CSMD1: variants seen among roughly 807,000 people sequenced by gnomAD.
CSMD1 encodes CUB and Sushi multiple domains 1.
In CSMD1, 213 loss-of-function variants were observed where a neutral mutation model predicts 417.5. That is an observed-to-expected ratio of 0.51 (90% CI 0.46 to 0.57). The LOEUF is 0.57. CSMD1 is among the 20% of genes least tolerant of loss of function. CSMD1 has a pLI of 0.00. For missense variants in CSMD1, 6,923 were observed against 4,529.7 expected, an observed-to-expected ratio of 1.53 and a Z score of -15.17; for synonymous variants, 2,862 against 1,736.8, an observed-to-expected ratio of 1.65 and a Z score of -16.11.
rs189916788 is a variant in CSMD1, at chr8:3,181,680, T to C, written c.5621-466A>G. Among the ~76,000 whole-genome samples the C allele has an allele frequency of 1.8e-4, 28 of 152,312 alleles. No individual in the cohort carries two copies. The East Asian group carries it at 5.0e-3, about 27-fold the overall frequency. ...GTATATATGCTCTTCCTGATCCCTA[T>C]GTGACTCATGCTTAGTAATGTTCCC... On this transcript the variant is annotated intron_variant, in intron 36 of 69. Coordinates refer to ENST00000635120, the MANE Select transcript of CSMD1 (RefSeq NM_033225.6).
intron 3 of CSMD1, among the ~76,000 whole-genome samples, chr8:4,069,231 G>A (rs1405491429): frequency 6.6e-6 from 1 of 152,136 alleles, no homozygotes; most frequent in African/African-American, 2.4e-5. Flanking sequence ...TCATACAGAT[G>A]AGAAAATCAA....
intron 3 of CSMD1, among the ~76,000 whole-genome samples, chr8:4,369,191 A>T (rs1018448239): frequency 3.9e-5 from 6 of 152,132 alleles, no homozygotes; most frequent in Non-Finnish European, 7.4e-5. Flanking sequence ...TTTCTGACTT[A>T]ATTTCATTCT....
At chr8:4,371,433 A>G (rs557161887) in intron 3 of CSMD1, among the ~76,000 whole-genome samples, 1 of 152,320 alleles carries the variant, frequency 6.6e-6, no homozygotes, top group Non-Finnish European at 1.5e-5. Context: ...TTAGGTTTTT[A>G]AGGAGGAAAT....
At chr8:3,989,344 T>A (rs1327869067) in intron 5 of CSMD1, among the ~76,000 whole-genome samples, 1 of 152,194 alleles carries the variant, frequency 6.6e-6, no homozygotes, top group Non-Finnish European at 1.5e-5. Flanking sequence ...CATCTTGGCT[T>A]AGCAACTATG....
At chr8:3,275,844 T>C in intron 26 of CSMD1, among the ~76,000 whole-genome samples, 1 of 151,564 alleles carries the variant, frequency 6.6e-6, no homozygotes, top group African/African-American at 2.4e-5. Context: ...ACTTTTTTCA[T>C]AGTTTTCAAC....
At chr8:3,296,674 T>C (rs1210991581) in intron 25 of CSMD1, among the ~76,000 whole-genome samples, 1 of 152,150 alleles carries the variant, frequency 6.6e-6, no homozygotes, top group South Asian at 2.1e-4. Flanking sequence ...GGTCAGGTCC[T>C]GGATACGTTT....
chr8:4,021,117 G>T (rs1057514792), intron 4 of CSMD1, among the ~76,000 whole-genome samples: 2 of 152,180 alleles, frequency 1.3e-5, no homozygotes, highest in African/African-American at 4.8e-5. Flanking sequence ...TTAAAGTTGA[G>T]GCTCAATACA....
intron 3 of CSMD1, among the ~76,000 whole-genome samples, chr8:4,402,396 C>G (rs940976154): frequency 6.6e-6 from 1 of 152,052 alleles, no homozygotes; most frequent in Admixed American, 6.6e-5. Flanking sequence ...CTGACCTCTC[C>G]GCTAGCCTTA....
At chr8:4,956,519 A>G (rs1231537660) in intron 1 of CSMD1, among the ~76,000 whole-genome samples, 1 of 149,048 alleles carries the variant, frequency 6.7e-6, no homozygotes, top group Admixed American at 6.7e-5. Context: ...ATACACACGT[A>G]TTTTAAATAT....
chr8:3,528,890 A>T (rs1186938306), intron 10 of CSMD1, among the ~76,000 whole-genome samples: 1 of 152,230 alleles, frequency 6.6e-6, no homozygotes, highest in Non-Finnish European at 1.5e-5. Context: ...ATAACTGTGC[A>T]TTTCATTTGC....
At chr8:4,904,162 T>C (rs1805082449) in intron 1 of CSMD1, among the ~76,000 whole-genome samples, 2 of 152,172 alleles carry the variant, frequency 1.3e-5, no homozygotes, top group South Asian at 2.1e-4. Context: ...GCAGGTGTTC[T>C]ACCTTCTTCA....
chr8:3,670,587 G>A (rs1471129088), intron 7 of CSMD1, among the ~76,000 whole-genome samples: 2 of 145,626 alleles, frequency 1.4e-5, no homozygotes, highest in African/African-American at 5.1e-5. Context: ...GGATATATAT[G>A]GGGATATATA....
intron 3 of CSMD1, among the ~76,000 whole-genome samples, chr8:4,172,096 G>C (rs1193491959): frequency 2.0e-5 from 3 of 152,096 alleles, no homozygotes; most frequent in Admixed American, 6.5e-5. Context: ...ATCACGGAGA[G>C]TTTATCATGC....
At chr8:3,997,667 A>C (rs1815320778) in intron 5 of CSMD1, among the ~76,000 whole-genome samples, 1 of 152,206 alleles carries the variant, frequency 6.6e-6, no homozygotes, top group Non-Finnish European at 1.5e-5. Context: ...CAGCACTACA[A>C]GTTCAAGCAC....
At chr8:3,549,738 A>G (rs563337523) in intron 10 of CSMD1, among the ~76,000 whole-genome samples, 1 of 152,284 alleles carries the variant, frequency 6.6e-6, no homozygotes, top group South Asian at 2.1e-4. Flanking sequence ...ACCAGCAAGA[A>G]GGCGATCCCC....
At chr8:2,985,879 T>A (rs1032813350) in intron 54 of CSMD1, among the ~76,000 whole-genome samples, 6 of 145,118 alleles carry the variant, frequency 4.1e-5, no homozygotes, top group Non-Finnish European at 8.9e-5. Flanking sequence ...CTGCTCCTTC[T>A]ACATTCTTTG....
chr8:4,656,633 A>G (rs1429458598), intron 1 of CSMD1, among the ~76,000 whole-genome samples: 3 of 151,446 alleles, frequency 2.0e-5, no homozygotes, highest in Non-Finnish European at 4.4e-5. Context: ...GTGGTGACTA[A>G]TTTTAGTTTC....
intron 2 of CSMD1, among the ~76,000 whole-genome samples, chr8:4,527,275 A>G (rs1038151186): frequency 6.6e-6 from 1 of 152,182 alleles, no homozygotes; most frequent in Admixed American, 6.5e-5. Context: ...TGTAGCATTT[A>G]TATGATCAGG....
In CSMD1 at chr8:4,808,678, C is replaced by G. The variant is rs115276545; in HGVS notation, c.86-171120G>C. ...GACAATCGGTTTCAACCATTTAGAA[C>G]ATACTGGTTTAAAAATCTACTGTCG... is the stretch of plus-strand genomic sequence containing the variant. On this transcript the variant is annotated intron_variant, in intron 1 of 69. Coordinates refer to ENST00000635120, the MANE Select transcript of CSMD1 (RefSeq NM_033225.6). Among the ~76,000 whole-genome samples the G allele has an allele frequency of 5.8e-3, 876 of 152,290 alleles. 7 individuals are homozygous for G. Among genetic ancestry groups the G allele is most frequent in the African/African-American group, 0.019 (801 of 41,548 alleles).
Sources: allele counts gnomAD v4.1 joint callset (sites outside exome capture counted in the v4.1 genomes callset), GRCh38; gene constraint gnomAD v4.1.1; transcripts MANE v1.5; gene names NCBI Gene and HGNC (gene_info 2026-07-23, HGNC 2026-07-21).